The following SCAP variants were observed in gnomAD, a reference collection of about 807,000 sequenced individuals.
SCAP encodes sterol regulatory element-binding protein cleavage-activating protein.
SCAP carries 65 observed loss-of-function variants against 123.6 expected under a neutral mutation model. That is an observed-to-expected ratio of 0.53 (90% CI 0.43 to 0.65). The LOEUF (loss-of-function observed/expected upper bound fraction) is 0.65. Ranked by LOEUF, SCAP falls within the 30% of genes least tolerant of loss-of-function variation. SCAP has a pLI of 0.00. For synonymous variants in SCAP, 740 were observed against 726.3 expected, an observed-to-expected ratio of 1.02 and a Z score of -0.30; for missense variants, 1,398 against 1,712.5, an observed-to-expected ratio of 0.82 and a Z score of 3.24.
rs1705639258 is a variant in SCAP at position 47,417,431 on chromosome 3, T to A, written c.2843A>T (p.Asp948Val). ...GCCTTTCTCGGGGGAGCCACCCTCG[T>A]CCTCAGGGGCCTGGGACAGCACCGG... ...PGPVLSQAPE[D>V]EGGSPEKGSP... The change falls in exon 17 of 23, where the codon GAC (aspartate) becomes GTC (valine). Residue 948 changes from aspartate (D) to valine (V), a missense_variant. By Grantham distance (152) the Asp-to-Val change is radical (BLOSUM62 -3). Coordinates refer to ENST00000265565, the MANE Select transcript of SCAP (RefSeq NM_012235.4). The A allele has an allele frequency of 6.4e-6, 10 of 1,558,428 alleles. No individual in the cohort carries two copies. The East Asian group carries it at 2.4e-4, about 38-fold the overall frequency.
chr3:47,448,960 C>G (rs150019606), intron 1 of SCAP, among the ~76,000 whole-genome samples: 3 of 152,128 alleles, frequency 2.0e-5, no homozygotes, highest in Non-Finnish European at 4.4e-5. Flanking sequence ...TTAAGTCCCA[C>G]GTAAAATTTT....
intron 1 of SCAP, among the ~76,000 whole-genome samples, chr3:47,473,092 A>AAAAAAAAAAAAAAAAAAC (rs1553652462): frequency 6.8e-6 from 1 of 146,796 alleles, no homozygotes; most frequent in African/African-American, 2.5e-5. Flanking sequence ...AAAAAAAAAA[A>AAAAAAAAAAAAAAAAAAC]AAAAAAACAG....
chr3:47,435,684 C>T (rs1450085820), intron 2 of SCAP, among the ~76,000 whole-genome samples: 1 of 152,046 alleles, frequency 6.6e-6, no homozygotes, highest in Non-Finnish European at 1.5e-5. Flanking sequence ...CCGTGCCTGG[C>T]TAGTTTATAC....
chr3:47,417,474 G>T lies in SCAP; in HGVS notation c.2800C>A (p.Arg934Ser), dbSNP rs372158341. The change falls in exon 17 of 23, where the codon CGC (arginine) becomes AGC (serine). Residue 934 changes from arginine to serine, a missense_variant. Physicochemically the swap from Arg to Ser is moderately radical, Grantham distance 110. This residue lies in a region of SCAP where 828 missense variants were observed against 882.5 expected (regional missense o/e 0.94). Coordinates refer to ENST00000265565, the MANE Select transcript of SCAP (RefSeq NM_012235.4). Reference sequence around the variant, plus strand: ...AGCACCGGCCCAGGCGAGGGTGGGCGCAGGGCTGGTGTGCAGACGGCCGCC... The same window carrying T: ...AGCACCGGCCCAGGCGAGGGTGGGCTCAGGGCTGGTGTGCAGACGGCCGCC... ...GLAAVCTPAL[R>S]PPSPGPVLSQ... 11 of 1,550,526 alleles carry T rather than the reference G, an allele frequency of 7.1e-6. No homozygotes were observed. Among genetic ancestry groups the T allele is most frequent in the South Asian group, 3.6e-5 (3 of 84,228 alleles).
In SCAP at chr3:47,427,539, T is replaced by A; in HGVS notation, c.539A>T (p.Asn180Ile). 2.5e-6 allele frequency: 4 copies of A among 1,614,198 alleles called. No individual in the cohort carries two copies. Among genetic ancestry groups the A allele is most frequent in the Non-Finnish European group, 3.4e-6 (4 of 1,180,024 alleles). Reference sequence around the variant, plus strand: ...ATCAGCATGGAAGCGTTCCCAGTCATTCTGCCAGAAGTTCCCAGGGGACAG... The same window carrying A: ...ATCAGCATGGAAGCGTTCCCAGTCAATCTGCCAGAAGTTCCCAGGGGACAG... Reference protein sequence around the residue: ...LLLSPGNFWQNDWERFHADPD... With the variant: ...LLLSPGNFWQIDWERFHADPD... Residue 180 changes from asparagine to isoleucine, a missense_variant, in exon 5 of 23, where the codon AAT becomes ATT. This residue lies in a region of SCAP where 319 missense variants were observed against 432.4 expected (regional missense o/e 0.74). Coordinates refer to ENST00000265565, the MANE Select transcript of SCAP (RefSeq NM_012235.4).
At position 47,414,119 on chromosome 3, in the gene SCAP, A is replaced by G; in HGVS notation, c.3595-20T>C. 1 of 1,613,446 alleles carries G rather than the reference A, an allele frequency of 6.2e-7. No individual in the cohort carries two copies. The highest frequency in any genetic ancestry group is 8.5e-7 in the Non-Finnish European group (1 of 1,180,022). ...CAGGTCCTGGAGGCAAGGACATGACAAGCTCAGTCCTGAGTCCTTCCCTAA... is the reference window on the plus strand; with the variant it reads ...CAGGTCCTGGAGGCAAGGACATGACGAGCTCAGTCCTGAGTCCTTCCCTAA... On this transcript the variant is annotated intron_variant, in intron 22 of 22. Coordinates refer to ENST00000265565, the MANE Select transcript of SCAP (RefSeq NM_012235.4).
At chr3:47,476,449 C>T (rs1187255270), upstream of SCAP, among the ~76,000 whole-genome samples, 1 of 152,122 alleles carries the variant, frequency 6.6e-6, no homozygotes, top group Admixed American at 6.6e-5. Flanking sequence ...TGCTCATGTT[C>T]CCTGTTTTAT....
rs748345753 is a variant in SCAP at position 47,422,480 on chromosome 3, T to C, written c.1207A>G (p.Ile403Val). Reference protein sequence around the residue: ...MKNMATELGIILIGYFTLVPA... With the variant: ...MKNMATELGIVLIGYFTLVPA... ...ACTAGGGTGAAGTAGCCGATGAGGA[T>C]GATGCCCAGCTCCGTGGCCATGTTC... The change falls in exon 10 of 23, where the codon ATC becomes GTC. Residue 403 changes from isoleucine (I) to valine (V), a missense_variant. Physicochemically the swap from Ile to Val is conservative, Grantham distance 29 (BLOSUM62 3). Coordinates refer to ENST00000265565, the MANE Select transcript of SCAP (RefSeq NM_012235.4). 3 of 1,613,692 alleles carry C rather than the reference T, an allele frequency of 1.9e-6. No homozygotes were observed. The Admixed American group carries it at 5.0e-5, about 27-fold the overall frequency.
At chr3:47,448,623 T>C (rs1707142578) in intron 1 of SCAP, among the ~76,000 whole-genome samples, 1 of 152,118 alleles carries the variant, frequency 6.6e-6, no homozygotes, top group African/African-American at 2.4e-5. Context: ...TACCTTCATG[T>C]TCACTGACTC....
chr3:47,432,008 T>G (rs1291927984), intron 3 of SCAP, among the ~76,000 whole-genome samples: 3 of 152,206 alleles, frequency 2.0e-5, no homozygotes, highest in Admixed American at 6.5e-5. Flanking sequence ...CAATACCAGT[T>G]TATTTTGTTG....
chr3:47,443,232 A>C, intron 1 of SCAP, 141 bp from the exon 2 acceptor site: 1 of 277,274 alleles, frequency 3.6e-6, no homozygotes, highest in East Asian at 6.7e-5. Flanking sequence ...CAATCCCAAA[A>C]TACACACACA....
chr3:47,435,094 C>A lies in SCAP; in HGVS notation c.166G>T (p.Glu56Ter). 1 of 1,614,096 alleles carries A rather than the reference C, an allele frequency of 6.2e-7. No homozygotes were observed. Among genetic ancestry groups the A allele is most frequent in the Non-Finnish European group, 8.5e-7 (1 of 1,179,992 alleles). The change falls in exon 3 of 23, where the codon GAA becomes TAA. Residue 56 changes from glutamate (E) to a stop codon, truncating the protein, a stop_gained. Coordinates refer to ENST00000265565, the MANE Select transcript of SCAP (RefSeq NM_012235.4). LOFTEE classifies it high-confidence loss of function. ...KLPLPGTGPV[E>*]FTTPVKDYSP... ...TAATCCTTCACAGGGGTGGTGAATT[C>A]CACAGGTCCTGTTCCTGGCAAGGGG...
In SCAP at chr3:47,414,655, G is replaced by A. The variant is rs796762791; in HGVS notation, c.3307-3C>T. The A allele has an allele frequency of 3.7e-6, 6 of 1,613,260 alleles. No homozygotes were observed. In the South Asian group the frequency reaches 5.5e-5, roughly 15 times the overall value. On this transcript the variant is annotated splice_region_variant and splice_polypyrimidine_tract_variant and intron_variant, in intron 20 of 22. Transcript: ENST00000265565. ...CACGAGTCCTCCAGACGGAACACCTGGGACAGGGATGGGCCTCAGGTTCTG... is the reference window on the plus strand; with the variant it reads ...CACGAGTCCTCCAGACGGAACACCTAGGACAGGGATGGGCCTCAGGTTCTG...
intron 1 of SCAP, among the ~76,000 whole-genome samples, chr3:47,454,417 A>T (rs1238620273): frequency 2.0e-5 from 3 of 151,844 alleles, no homozygotes; most frequent in Non-Finnish European, 4.4e-5. Flanking sequence ...ACGTTGATTT[A>T]CATACATACA....
chr3:47,434,881 A>G, intron 3 of SCAP, 127 bp downstream of exon 3: 1 of 1,175,744 alleles, frequency 8.5e-7, no homozygotes, highest in Non-Finnish European at 1.3e-6. Flanking sequence ...TACACTGATA[A>G]AGCTGTTAAA....
At chr3:47,474,902 C>T (rs1708208433) in intron 1 of SCAP, among the ~76,000 whole-genome samples, 1 of 152,194 alleles carries the variant, frequency 6.6e-6, no homozygotes, top group South Asian at 2.1e-4. Context: ...ATAAAAGCGT[C>T]AGTCTTTTGC....
chr3:47,415,327 C>A, intron 18 of SCAP, 147 bp from the exon 19 acceptor site: 1 of 665,030 alleles, frequency 1.5e-6, no homozygotes. Context: ...AGAACAGATG[C>A]TGGAGCCAGA....
chr3:47,460,623 G>A (rs1490123424), intron 1 of SCAP, among the ~76,000 whole-genome samples: 1 of 152,068 alleles, frequency 6.6e-6, no homozygotes, highest in Admixed American at 6.6e-5. Flanking sequence ...CACAATCTCG[G>A]CTCACTGCAA....
intron 1 of SCAP, among the ~76,000 whole-genome samples, chr3:47,452,724 C>T (rs980642454): frequency 2.0e-5 from 3 of 152,164 alleles, no homozygotes; most frequent in Non-Finnish European, 2.9e-5. Flanking sequence ...ACTGCCCTAC[C>T]AAACCTGGAG....
Sources: gnomAD v4.1 joint callset for allele counts (sites outside exome capture counted in the v4.1 genomes callset) on GRCh38, gnomAD v4.1.1 for gene constraint, gnomAD v4.1.1 regional missense constraint, MANE v1.5 for transcripts, NCBI Gene and HGNC (gene_info 2026-07-23, HGNC 2026-07-21) for gene names.